Variants in AXIN1 observed in about 807,000 individuals in gnomAD.
AXIN1 encodes the protein axin-1.
AXIN1 carries 30 observed loss-of-function variants against 76.4 expected under a neutral mutation model. The observed-to-expected ratio is 0.39, with a 90% CI of 0.29 to 0.53. The LOEUF (loss-of-function observed/expected upper bound fraction) is 0.53. AXIN1 is among the 20% of genes least tolerant of loss of function. AXIN1 has a pLI of 0.66. For synonymous variants in AXIN1, 545 were observed against 501.4 expected, an observed-to-expected ratio of 1.09 and a Z score of -1.16; for missense variants, 1,140 against 1,198.8, an observed-to-expected ratio of 0.95 and a Z score of 0.72.
At chr16:324,187 C>A (rs940029471) in intron 2 of AXIN1, among the ~76,000 whole-genome samples, 3 of 151,820 alleles carry the variant, frequency 2.0e-5, no homozygotes, top group African/African-American at 4.9e-5. Context: ...AGTGAGCCGC[C>A]TTACGGGTCT....
chr16:338,452 C>A (rs1171849880), intron 2 of AXIN1, among the ~76,000 whole-genome samples: 1 of 152,256 alleles, frequency 6.6e-6, no homozygotes, highest in Non-Finnish European at 1.5e-5. Context: ...CCACACAGCT[C>A]AGGACTGAGG....
chr16:293,706 C>T lies in AXIN1; in HGVS notation c.1968G>A (p.Thr656=), dbSNP rs748175964. Residue 656 remains threonine (T), a synonymous_variant, in exon 8 of 11, where the codon ACG becomes ACA. Transcript: ENST00000262320. The surrounding 1 kb of genome is among the most constrained non-coding windows in gnomAD (Gnocchi z 4.6). ...HRRTGHGSSG[T]RKPQPHENSR... ...AGTTCTCATGGGGCTGTGGCTTCCTCGTCCCCGAAGACCTTGGGGAACAAG... is the reference window on the plus strand; with the variant it reads ...AGTTCTCATGGGGCTGTGGCTTCCTTGTCCCCGAAGACCTTGGGGAACAAG... 152 of 1,613,424 alleles carry T rather than the reference C, an allele frequency of 9.4e-5. No individual in the cohort carries two copies. The highest frequency in any genetic ancestry group is 1.2e-4 in the Non-Finnish European group (139 of 1,180,012).
In AXIN1 at chr16:298,154, C is replaced by T. The variant is rs776159008; in HGVS notation, c.1352G>A (p.Cys451Tyr). ...APAWHHFPPR[C>Y]VDMGCAGLRD... ...GAGCCCGGCACAGCCCATGTCCACA[C>T]AGCGGGGCGGGAAGTGGTGCCAAGC... The change falls in exon 6 of 11, where the codon TGT becomes TAT. Residue 451 changes from cysteine (C) to tyrosine (Y), a missense_variant. Coordinates refer to ENST00000262320, the MANE Select transcript of AXIN1 (RefSeq NM_003502.4). The T allele has an allele frequency of 7.1e-6, 11 of 1,543,454 alleles. No homozygotes were observed. The highest frequency in any genetic ancestry group is 4.9e-5 in the East Asian group (2 of 41,018).
intron 7 of AXIN1, among the ~76,000 whole-genome samples, chr16:294,797 T>C: frequency 2.3e-5 from 3 of 131,762 alleles, no homozygotes; most frequent in Admixed American, 8.0e-5. Context: ...GCGCGGTGGC[T>C]CACGCCTGTA....
intron 2 of AXIN1, among the ~76,000 whole-genome samples, chr16:320,673 GTA>G (rs1156746957): frequency 2.0e-5 from 3 of 147,416 alleles, no homozygotes; most frequent in African/African-American, 7.6e-5. Flanking sequence ...ATATGTAAAT[GTA>G]TATATGTGTG....
chr16:313,600 G>A (rs12923509), intron 3 of AXIN1, among the ~76,000 whole-genome samples: 22,387 of 151,678 alleles, frequency 0.15, 1,728 homozygotes, highest in South Asian at 0.23. Context: ...CCTGCGGCTC[G>A]GCCCCAGCCC....
At chr16:336,816 C>CAAAAAAAAAA (rs57147459) in intron 2 of AXIN1, among the ~76,000 whole-genome samples, 1 of 77,080 alleles carries the variant, frequency 1.3e-5, no homozygotes, top group African/African-American at 5.2e-5. Context: ...GACTCCGCCT[C>CAAAAAAAAAA]AAAAAAAAAA....
Position 314,599 on chromosome 16 carries a change from GCTGTCGTTGGCA to G in AXIN1, c.951_962del (p.Ala318_Ser321del). On this transcript the variant is annotated inframe_deletion, in exon 3 of 11. Transcript: ENST00000262320. ...CATCGCTGGACAGGCTCTGCTGCTC[GCTGTCGTTGGCA>G]CTGGTGGCTGGGGCCAGGGCATAGC... The G allele has an allele frequency of 1.9e-6, 3 of 1,613,970 alleles. No homozygotes were observed. The highest frequency in any genetic ancestry group is 2.5e-6 in the Non-Finnish European group (3 of 1,179,990).
intron 2 of AXIN1, among the ~76,000 whole-genome samples, chr16:321,014 A>AG (rs2053443470): frequency 6.6e-6 from 1 of 152,164 alleles, no homozygotes; most frequent in Non-Finnish European, 1.5e-5. Flanking sequence ...CTGGGATTAC[A>AG]GGCTTAAGCC....
rs1196474182 is a variant in AXIN1, at chr16:291,153, G to T, written c.2294+37C>A. On this transcript the variant is annotated intron_variant, in intron 9 of 10. Transcript: ENST00000262320. ...CCTGGCTTGGGACGCCAGGGCTGGGGTGGGCAGGACCGGGAGGACCCTCAG... is the reference window on the plus strand; with the variant it reads ...CCTGGCTTGGGACGCCAGGGCTGGGTTGGGCAGGACCGGGAGGACCCTCAG... 1.9e-6 allele frequency: 3 copies of T among 1,546,912 alleles called. No homozygotes were observed. The South Asian group carries it at 3.6e-5, about 18-fold the overall frequency.
chr16:325,125 A>G (rs1355839037), intron 2 of AXIN1, among the ~76,000 whole-genome samples: 1 of 151,344 alleles, frequency 6.6e-6, no homozygotes, highest in African/African-American at 2.4e-5. Context: ...CCCGCACCCC[A>G]GGAAACCATC....
intron 4 of AXIN1, among the ~76,000 whole-genome samples, chr16:304,879 T>G (rs928408274): frequency 2.0e-5 from 3 of 152,170 alleles, no homozygotes; most frequent in African/African-American, 4.8e-5. Flanking sequence ...CTCCTTTCAG[T>G]TGGGAATCAA....
intron 4 of AXIN1, among the ~76,000 whole-genome samples, chr16:307,793 T>C (rs994622744): frequency 1.3e-5 from 2 of 152,184 alleles, no homozygotes; most frequent in African/African-American, 4.8e-5. Context: ...AGAGCAGAAG[T>C]GGGCAGTGCA....
At chr16:304,584 G>A in intron 4 of AXIN1, 143 bp from the exon 5 acceptor site, 1 of 1,316,060 alleles carries the variant, frequency 7.6e-7, no homozygotes, top group Non-Finnish European at 1.0e-6. Flanking sequence ...ACCCAGGCTG[G>A]AGTGCAATGG....
At chr16:332,437 C>G (rs566765770) in intron 2 of AXIN1, among the ~76,000 whole-genome samples, 1 of 151,584 alleles carries the variant, frequency 6.6e-6, no homozygotes, top group African/African-American at 2.4e-5. Flanking sequence ...ATTAGCTGGG[C>G]GTGGTGGCGG....
intron 7 of AXIN1, among the ~76,000 whole-genome samples, chr16:295,559 A>T (rs1010252159): frequency 4.6e-5 from 7 of 150,776 alleles, no homozygotes; most frequent in Admixed American, 1.3e-4. Flanking sequence ...GCAAAAAATT[A>T]AAAAAAAAGT....
At chr16:296,334 A>G (rs2052711306) in intron 7 of AXIN1, among the ~76,000 whole-genome samples, 1 of 152,256 alleles carries the variant, frequency 6.6e-6, no homozygotes, top group African/African-American at 2.4e-5. Flanking sequence ...GGTGGGGGGC[A>G]GATCAGGACC....
chr16:350,300 T>G (rs2054116313), intron 1 of AXIN1, among the ~76,000 whole-genome samples: 1 of 152,206 alleles, frequency 6.6e-6, no homozygotes, highest in South Asian at 2.1e-4. Context: ...AAGCATTTAG[T>G]GTACACACAA....
chr16:298,000 C>G lies in AXIN1; in HGVS notation c.1506G>C (p.Met502Ile), dbSNP rs182073811. 14 of 1,600,072 alleles carry G rather than the reference C, an allele frequency of 8.7e-6. No homozygotes were observed. In the East Asian group the frequency reaches 2.9e-4, roughly 33 times the overall value. The change falls in exon 6 of 11, where the codon ATG (methionine) becomes ATC (isoleucine). Residue 502 changes from methionine (M) to isoleucine (I), a missense_variant. By Grantham distance (10) the Met-to-Ile change is conservative (BLOSUM62 1). Around this residue, in one of 3 missense-constraint regions of AXIN1, gnomAD observed 708 missense variants for 776.9 expected, o/e 0.91. Coordinates refer to ENST00000262320, the MANE Select transcript of AXIN1 (RefSeq NM_003502.4). ...AGGCGGCACCCCCCAGTGCCACTGG[C>G]ATCTTGGCCACGTGCCCACTGTCCG... ...RSPDSGHVAKMPVALGGAASG... is the reference protein window; with the variant it reads ...RSPDSGHVAKIPVALGGAASG...
Sources: gnomAD v4.1 joint callset for allele counts (sites outside exome capture counted in the v4.1 genomes callset) on GRCh38, gnomAD v4.1.1 for gene constraint, gnomAD v4.1.1 regional missense constraint, Gnocchi (gnomAD v3.1) non-coding constraint, MANE v1.5 for transcripts, NCBI Gene and HGNC (gene_info 2026-07-23, HGNC 2026-07-21) for gene names.